Variants in NOTCH2NLC observed in about 807,000 individuals in gnomAD.
NOTCH2NLC encodes notch homolog 2 N-terminal-like protein C.
In NOTCH2NLC, 4 loss-of-function variants were observed where a neutral mutation model predicts 17.7. The observed-to-expected ratio is 0.23, with a 90% CI of 0.11 to 0.52. The LOEUF (loss-of-function observed/expected upper bound fraction) is 0.52, where lower values mean the gene tolerates loss of function less well. NOTCH2NLC is among the 20% of genes least tolerant of loss of function. NOTCH2NLC has a pLI of 0.96. For missense variants in NOTCH2NLC, 57 were observed against 207.2 expected, an observed-to-expected ratio of 0.28 and a Z score of 4.45; for synonymous variants, 18 against 86.0, an observed-to-expected ratio of 0.21 and a Z score of 4.38.
At chr1:149,428,959 TA>T (rs2084428152) in intron 1 of NOTCH2NLC, among the ~76,000 whole-genome samples, 1 of 147,218 alleles carries the variant, frequency 6.8e-6, no homozygotes, top group African/African-American at 2.5e-5. Flanking sequence ...TAAAAGTGTC[TA>T]AAGAGAATGA....
intron 1 of NOTCH2NLC, among the ~76,000 whole-genome samples, chr1:149,430,561 G>C (rs1177705809): frequency 7.0e-6 from 1 of 143,096 alleles, no homozygotes; most frequent in Non-Finnish European, 1.5e-5. Flanking sequence ...TATTTATCTA[G>C]CATTTTCCTA....
chr1:149,437,139 T>C (rs1181305940), intron 2 of NOTCH2NLC, among the ~76,000 whole-genome samples: 7 of 143,016 alleles, frequency 4.9e-5, no homozygotes, highest in Non-Finnish European at 7.7e-5. Flanking sequence ...TGAAAAAAAC[T>C]GACTATAATG....
intron 3 of NOTCH2NLC, among the ~76,000 whole-genome samples, chr1:149,457,701 G>A (rs1445807945): frequency 6.9e-6 from 1 of 145,282 alleles, no homozygotes. Context: ...CATCCAGCAC[G>A]GGAAAAAGAT....
intron 2 of NOTCH2NLC, among the ~76,000 whole-genome samples, chr1:149,446,584 C>A (rs1388554163): frequency 1.3e-5 from 2 of 150,124 alleles, no homozygotes; most frequent in African/African-American, 4.9e-5. Context: ...AATCTGCTCA[C>A]CTTGGCCTCC....
chr1:149,392,939 C>T lies in NOTCH2NLC; in HGVS notation c.135+2017C>T, dbSNP rs1231932669. Among the ~76,000 whole-genome samples, 40 of 149,406 alleles carry T rather than the reference C, an allele frequency of 2.7e-4. 2 individuals are homozygous for T. Among genetic ancestry groups the T allele is most frequent in the South Asian group, 2.1e-3 (10 of 4,734 alleles). On this transcript the variant is annotated intron_variant, in intron 1 of 4. Transcript: ENST00000650865. ...ACAAAAAATTAGCCGGGCGTAGTGG[C>T]GGGCGCCTGTAGTCCCAGCTACTTG...
intron 1 of NOTCH2NLC, among the ~76,000 whole-genome samples, chr1:149,429,159 T>G (rs1334582692): frequency 2.0e-5 from 3 of 148,470 alleles, no homozygotes; most frequent in Non-Finnish European, 3.0e-5. Flanking sequence ...TGGTGACTCT[T>G]TGTGTGATCC....
rs1171555647 is a variant in NOTCH2NLC at position 149,417,097 on chromosome 1, C to CTTTT, written c.136-13818_136-13815dup. Among the ~76,000 whole-genome samples, 206 of 69,606 alleles carry CTTTT rather than the reference C, an allele frequency of 3.0e-3. 14 individuals carry two copies. The highest frequency in any genetic ancestry group is 4.5e-3 in the Non-Finnish European group (156 of 34,960). 45.7% of individuals were successfully genotyped at this position (69,606 alleles called of 152,430 possible). ...AGATTATGGTGGATATCAGGTTTTCCTTTTTTTTTTTTTTTTTTTTTTTTT... is the reference window on the plus strand; with the variant it reads ...AGATTATGGTGGATATCAGGTTTTCCTTTTTTTTTTTTTTTTTTTTTTTTTTTTT... On this transcript the variant is annotated intron_variant, in intron 1 of 4. Coordinates refer to ENST00000650865, the MANE Select transcript of NOTCH2NLC (RefSeq NM_001364013.2).
intron 1 of NOTCH2NLC, among the ~76,000 whole-genome samples, chr1:149,428,810 C>A (rs1363279829): frequency 6.7e-6 from 1 of 150,182 alleles, no homozygotes. Flanking sequence ...CACCAGGATT[C>A]CTGCAGGGGG....
At chr1:149,436,024 C>G (rs1445599639) in intron 2 of NOTCH2NLC, among the ~76,000 whole-genome samples, 27 of 138,088 alleles carry the variant, frequency 2.0e-4, no homozygotes, top group Middle Eastern at 3.8e-3. Context: ...GATATTTTGT[C>G]CAGAGCAAGA....
chr1:149,446,641 T>C (rs2084555475), intron 2 of NOTCH2NLC, among the ~76,000 whole-genome samples: 1 of 145,778 alleles, frequency 6.9e-6, no homozygotes. Flanking sequence ...CAGCTGAGAC[T>C]TTTAAAGAAA....
intron 3 of NOTCH2NLC, among the ~76,000 whole-genome samples, chr1:149,460,883 C>G (rs1379495723): frequency 2.9e-4 from 38 of 132,706 alleles, no homozygotes; most frequent in South Asian, 4.9e-4. Context: ...TTCTTTCTTT[C>G]TTTCTTTCTT....
At chr1:149,395,997 C>G (rs2084205289) in intron 1 of NOTCH2NLC, among the ~76,000 whole-genome samples, 1 of 151,102 alleles carries the variant, frequency 6.6e-6, no homozygotes, top group Non-Finnish European at 1.5e-5. Context: ...CAGAACTTGT[C>G]TGGCATGTGC....
chr1:149,398,975 T>A (rs1179928733), intron 1 of NOTCH2NLC, among the ~76,000 whole-genome samples: 1 of 152,170 alleles, frequency 6.6e-6, no homozygotes, highest in Non-Finnish European at 1.5e-5. Flanking sequence ...TTATTATATA[T>A]GTTTATTCAT....
At chr1:149,429,799 A>C (rs1262238333) in intron 1 of NOTCH2NLC, among the ~76,000 whole-genome samples, 1 of 150,720 alleles carries the variant, frequency 6.6e-6, no homozygotes, top group Non-Finnish European at 1.5e-5. Flanking sequence ...CAATTTATGC[A>C]TAGAGTGGTG....
At chr1:149,394,452 T>G (rs2084193986) in intron 1 of NOTCH2NLC, among the ~76,000 whole-genome samples, 1 of 151,100 alleles carries the variant, frequency 6.6e-6, no homozygotes, top group African/African-American at 2.4e-5. Flanking sequence ...ATTTCTTCTG[T>G]TTATCTGGGT....
At chr1:149,419,958 C>A (rs1328174707) in intron 1 of NOTCH2NLC, among the ~76,000 whole-genome samples, 2 of 140,176 alleles carry the variant, frequency 1.4e-5, no homozygotes, top group African/African-American at 5.2e-5. Flanking sequence ...GCTCCGCCTC[C>A]CGGGTTCATG....
chr1:149,413,192 G>A lies in NOTCH2NLC; in HGVS notation c.136-17750G>A, dbSNP rs1376107350. ...CAGAGTGCTGGGATTACAGGTGTTA[G>A]CCACTGTGCCAGGCCAGATGTCTGA... On this transcript the variant is annotated intron_variant, in intron 1 of 4. Coordinates refer to ENST00000650865, the MANE Select transcript of NOTCH2NLC (RefSeq NM_001364013.2). Among the ~76,000 whole-genome samples, 5 of 150,846 alleles carry A rather than the reference G, an allele frequency of 3.3e-5. 1 individual carries two copies. Among genetic ancestry groups the A allele is most frequent in the Non-Finnish European group, 7.4e-5 (5 of 67,460 alleles).
intron 1 of NOTCH2NLC, among the ~76,000 whole-genome samples, chr1:149,392,853 C>T (rs1471095112): frequency 2.7e-5 from 4 of 150,598 alleles, no homozygotes; most frequent in African/African-American, 7.3e-5. Flanking sequence ...GGGCGGATCA[C>T]GAGGTCAGGA....
At position 149,390,671 on chromosome 1, in the gene NOTCH2NLC, G is replaced by A; in HGVS notation, c.-117G>A. The A allele has an allele frequency of 8.2e-7, 1 of 1,223,210 alleles. No individual in the cohort carries two copies. The highest frequency in any genetic ancestry group is 3.3e-4 in the Middle Eastern group (1 of 3,076). 75.8% of individuals were successfully genotyped at this position (1,223,210 alleles called of 1,614,324 possible). On this transcript the variant is annotated 5_prime_UTR_variant, in exon 1 of 5. Transcript: ENST00000650865. Reference sequence around the variant, plus strand: ...GGCGGCCGAGGAGCGGCGGACTCGGGGCGCGGGGAGTCGAGGCATTTGCGC... The same window carrying A: ...GGCGGCCGAGGAGCGGCGGACTCGGAGCGCGGGGAGTCGAGGCATTTGCGC...
Sources: allele counts gnomAD v4.1 joint callset (sites outside exome capture counted in the v4.1 genomes callset), GRCh38; gene constraint gnomAD v4.1.1; transcripts MANE v1.5; gene names NCBI Gene and HGNC (gene_info 2026-07-23, HGNC 2026-07-21).